The following ERBB4 variants were observed in gnomAD, a reference collection of about 807,000 sequenced individuals.
ERBB4 encodes erb-b2 receptor tyrosine kinase 4.
Under a neutral mutation model 158.0 loss-of-function variants are expected in ERBB4, and 42 were observed. The ratio of observed to expected loss-of-function variants is 0.27; its 90% CI spans 0.21 to 0.34. The LOEUF (loss-of-function observed/expected upper bound fraction) is 0.34, where lower values mean the gene tolerates loss of function less well. Ranked by LOEUF, ERBB4 falls within the 10% of genes least tolerant of loss-of-function variation. ERBB4 has a pLI of 1.00. For synonymous variants in ERBB4, 583 were observed against 558.7 expected, an observed-to-expected ratio of 1.04 and a Z score of -0.61; for missense variants, 1,333 against 1,624.1, an observed-to-expected ratio of 0.82 and a Z score of 3.08.
chr2:212,358,255 C>T (rs546467530), intron 1 of ERBB4, among the ~76,000 whole-genome samples: 1 of 151,724 alleles, frequency 6.6e-6, no homozygotes, highest in East Asian at 1.9e-4. Context: ...TTTTTAACAA[C>T]TTCATATGCT....
At chr2:211,549,426 G>A (rs1393211891) in intron 20 of ERBB4, among the ~76,000 whole-genome samples, 4 of 152,002 alleles carry the variant, frequency 2.6e-5, no homozygotes, top group East Asian at 1.9e-4. Context: ...ATGTTCCTAC[G>A]GTCACACTGC....
At chr2:212,440,190 T>C (rs1056055925) in intron 1 of ERBB4, among the ~76,000 whole-genome samples, 2 of 152,220 alleles carry the variant, frequency 1.3e-5, no homozygotes, top group Non-Finnish European at 2.9e-5. Flanking sequence ...CCTGGGTGTG[T>C]CTGTGAGGGT....
intron 1 of ERBB4, among the ~76,000 whole-genome samples, chr2:212,280,382 C>T (rs2085709701): frequency 6.6e-6 from 1 of 151,564 alleles, no homozygotes; most frequent in Non-Finnish European, 1.5e-5. Flanking sequence ...ATGGTTAATT[C>T]ACCAAAAATG....
At chr2:211,783,696 C>T (rs1403198381) in intron 4 of ERBB4, among the ~76,000 whole-genome samples, 10 of 152,150 alleles carry the variant, frequency 6.6e-5, no homozygotes, top group Admixed American at 6.5e-4. Flanking sequence ...GTTGAACCAC[C>T]CTTGCATCCC....
chr2:211,520,108 G>A (rs1245711271), intron 20 of ERBB4, among the ~76,000 whole-genome samples: 1 of 152,060 alleles, frequency 6.6e-6, no homozygotes, highest in Non-Finnish European at 1.5e-5. Context: ...AAAGATGAGA[G>A]GTTAGCTTTA....
chr2:211,473,333 T>C (rs1446027804), intron 20 of ERBB4, among the ~76,000 whole-genome samples: 1 of 152,128 alleles, frequency 6.6e-6, no homozygotes, highest in Non-Finnish European at 1.5e-5. Context: ...GCCAACACTT[T>C]AATTTCAGCC....
chr2:212,229,582 G>T (rs1024571071), intron 1 of ERBB4, among the ~76,000 whole-genome samples: 1 of 152,070 alleles, frequency 6.6e-6, no homozygotes, highest in Admixed American at 6.6e-5. Context: ...CTGAAGAAGG[G>T]GTGTGTCATA....
chr2:212,374,624 C>T (rs10186462), intron 1 of ERBB4, among the ~76,000 whole-genome samples: 29,765 of 151,776 alleles, frequency 0.2, 3,092 homozygotes, highest in South Asian at 0.26. Context: ...TAAACACACA[C>T]ACACACACAT....
intron 25 of ERBB4, among the ~76,000 whole-genome samples, chr2:211,404,405 C>T (rs1446365034): frequency 2.0e-5 from 3 of 151,998 alleles, no homozygotes; most frequent in Admixed American, 6.6e-5. Flanking sequence ...CTAACACAGC[C>T]CTGCTCTTCT....
At chr2:211,844,172 A>G (rs2077540257) in intron 3 of ERBB4, among the ~76,000 whole-genome samples, 1 of 152,168 alleles carries the variant, frequency 6.6e-6, no homozygotes, top group African/African-American at 2.4e-5. Flanking sequence ...ATGAACACAT[A>G]CGTAAAGTAA....
At chr2:211,812,221 T>C (rs1050803510) in intron 3 of ERBB4, among the ~76,000 whole-genome samples, 1 of 152,214 alleles carries the variant, frequency 6.6e-6, no homozygotes, top group Admixed American at 6.5e-5. Context: ...GGTGTGGGTG[T>C]CCTTTTTGTT....
chr2:211,841,878 T>C (rs1205270717), intron 3 of ERBB4, among the ~76,000 whole-genome samples: 1 of 152,080 alleles, frequency 6.6e-6, no homozygotes, highest in Non-Finnish European at 1.5e-5. Flanking sequence ...GCCTAGTGAA[T>C]CTAGACAAAT....
At chr2:212,083,927 A>AG (rs1403556125) in intron 2 of ERBB4, among the ~76,000 whole-genome samples, 1 of 150,846 alleles carries the variant, frequency 6.6e-6, no homozygotes, top group Non-Finnish European at 1.5e-5. Context: ...TTCACAGGAA[A>AG]AAAAAAAAAA....
chr2:211,804,209 T>C (rs533659764), intron 3 of ERBB4, among the ~76,000 whole-genome samples: 1 of 152,180 alleles, frequency 6.6e-6, no homozygotes, highest in East Asian at 1.9e-4. Flanking sequence ...ATTAACATAA[T>C]AACATAAAAA....
chr2:211,483,121 G>GA (rs1172346365), intron 20 of ERBB4, among the ~76,000 whole-genome samples: 1 of 151,804 alleles, frequency 6.6e-6, no homozygotes, highest in Non-Finnish European at 1.5e-5. Context: ...TAATATTGCA[G>GA]AAAAAAACGA....
intron 1 of ERBB4, among the ~76,000 whole-genome samples, chr2:212,465,716 T>C (rs1056106550): frequency 2.0e-5 from 3 of 152,154 alleles, no homozygotes; most frequent in African/African-American, 4.8e-5. Context: ...CTAACCAATA[T>C]ATTTTTGTGC....
chr2:212,176,306 G>T (rs1214560937), intron 1 of ERBB4, among the ~76,000 whole-genome samples: 1 of 151,872 alleles, frequency 6.6e-6, no homozygotes, highest in East Asian at 1.9e-4. Context: ...GGTATTTCAG[G>T]GTGGAGTCTT....
At chr2:211,541,739 T>C (rs960633609) in intron 20 of ERBB4, among the ~76,000 whole-genome samples, 1 of 151,156 alleles carries the variant, frequency 6.6e-6, no homozygotes, top group African/African-American at 2.5e-5. Context: ...TTGTTAAATA[T>C]AACATTTCAT....
At chr2:211,923,467 G>C (rs1238548870) in intron 3 of ERBB4, among the ~76,000 whole-genome samples, 1 of 152,104 alleles carries the variant, frequency 6.6e-6, no homozygotes, top group Non-Finnish European at 1.5e-5. Context: ...ACAGTGAATA[G>C]GTATGGGAAA....
Sources: gnomAD v4.1 joint callset for allele counts (sites outside exome capture counted in the v4.1 genomes callset) on GRCh38, gnomAD v4.1.1 for gene constraint, MANE v1.5 for transcripts, NCBI Gene and HGNC (gene_info 2026-07-23, HGNC 2026-07-21) for gene names.